DRC8: variants seen among roughly 807,000 people sequenced by gnomAD.
DRC8 encodes dynein regulatory complex subunit 8.
chr1:245,042,575 G>A, the DRC8 span, among the ~76,000 whole-genome samples: 780 of 152,328 alleles, frequency 5.1e-3, 4 homozygotes, highest in African/African-American at 0.017. Flanking sequence ...TTCTGTAAAC[G>A]ATACCAGCAC....
At chr1:244,973,008 CTA>C in the DRC8 span, among the ~76,000 whole-genome samples, 1 of 152,016 alleles carries the variant, frequency 6.6e-6, no homozygotes, top group South Asian at 2.1e-4. Context: ...TGGAAATAGT[CTA>C]TTACTATATT....
chr1:245,011,712 G>A, the DRC8 span, among the ~76,000 whole-genome samples: 2 of 152,200 alleles, frequency 1.3e-5, no homozygotes, highest in Non-Finnish European at 2.9e-5. Context: ...ATTCCTGATA[G>A]ATGATAATTT....
the DRC8 span, among the ~76,000 whole-genome samples, chr1:245,008,895 T>C: frequency 1.3e-5 from 2 of 151,816 alleles, no homozygotes; most frequent in African/African-American, 4.8e-5. Flanking sequence ...GCTATGTTGC[T>C]TAGGCTGGCC....
chr1:245,053,559 A>C, the DRC8 span, among the ~76,000 whole-genome samples: 1 of 152,244 alleles, frequency 6.6e-6, no homozygotes, highest in Non-Finnish European at 1.5e-5. Flanking sequence ...CTAGTGGAGC[A>C]GTTTGTAGGT....
the DRC8 span, among the ~76,000 whole-genome samples, chr1:245,084,067 C>A: frequency 5.9e-5 from 7 of 118,200 alleles, 1 homozygote; most frequent in African/African-American, 1.3e-4. Context: ...ATTCCGCCCC[C>A]CCCCCGGCGC....
At chr1:244,973,479 G>C in the DRC8 span, among the ~76,000 whole-genome samples, 4 of 152,182 alleles carry the variant, frequency 2.6e-5, no homozygotes, top group Admixed American at 1.3e-4. Flanking sequence ...ATTAATCAAA[G>C]ACAGCTTATG....
the DRC8 span, among the ~76,000 whole-genome samples, chr1:245,071,058 C>A: frequency 6.6e-6 from 1 of 152,226 alleles, no homozygotes; most frequent in Admixed American, 6.5e-5. Flanking sequence ...ACTTCCCAAC[C>A]TCCATAACTG....
At chr1:245,037,329 G>C in the DRC8 span, among the ~76,000 whole-genome samples, 1 of 152,206 alleles carries the variant, frequency 6.6e-6, no homozygotes, top group African/African-American at 2.4e-5. Context: ...AAATAGTTCT[G>C]TGTTGGGAAG....
At chr1:245,067,684 T>C in the DRC8 span, among the ~76,000 whole-genome samples, 2 of 152,314 alleles carry the variant, frequency 1.3e-5, no homozygotes, top group Admixed American at 1.3e-4. Flanking sequence ...ATCCACGTAA[T>C]CTACACCCTG....
At chr1:244,973,060 G>T in the DRC8 span, among the ~76,000 whole-genome samples, 1 of 152,060 alleles carries the variant, frequency 6.6e-6, no homozygotes, top group South Asian at 2.1e-4. Flanking sequence ...CAGAAATTAC[G>T]TCTAACCAAT....
At chr1:245,002,235 A>T in the DRC8 span, 1 of 1,601,964 alleles carries the variant, frequency 6.2e-7, no homozygotes, top group Non-Finnish European at 8.5e-7. Context: ...AACACAGGGT[A>T]CAGTGCATTC....
the DRC8 span, among the ~76,000 whole-genome samples, chr1:245,043,239 C>T: frequency 9.9e-5 from 15 of 152,178 alleles, no homozygotes; most frequent in African/African-American, 3.6e-4. Flanking sequence ...TGAGATCAGC[C>T]TGGCCAGCAT....
chr1:245,094,129 A>G, the DRC8 span, among the ~76,000 whole-genome samples: 1 of 152,140 alleles, frequency 6.6e-6, no homozygotes, highest in African/African-American at 2.4e-5. Context: ...ACTGTTAATG[A>G]GAATAGAGGT....
chr1:244,970,246 G>C, the DRC8 span: 2 of 700,888 alleles, frequency 2.9e-6, no homozygotes, highest in East Asian at 6.1e-5. Context: ...AACGGGGACA[G>C]GGCGCGCGCT....
At chr1:244,992,030 A>G in the DRC8 span, among the ~76,000 whole-genome samples, 1 of 152,244 alleles carries the variant, frequency 6.6e-6, no homozygotes, top group African/African-American at 2.4e-5. Flanking sequence ...TGGAAACTGC[A>G]ATAAGCTTTC....
At chr1:244,997,525 C>CTTTTTTTTTTTTTTTTTTTTTTTTTT in the DRC8 span, among the ~76,000 whole-genome samples, 1 of 126,738 alleles carries the variant, frequency 7.9e-6, no homozygotes, top group Non-Finnish European at 1.7e-5. Flanking sequence ...TTCGTGCCAT[C>CTTTTTTTTTTTTTTTTTTTTTTTTTT]TTTTTTTTTT....
chr1:245,119,769 T>C, the DRC8 span, among the ~76,000 whole-genome samples: 1 of 151,360 alleles, frequency 6.6e-6, no homozygotes, highest in African/African-American at 2.4e-5. Flanking sequence ...CCGTCTCTAC[T>C]AAAAATAGAA....
the DRC8 span, among the ~76,000 whole-genome samples, chr1:245,039,052 T>C: frequency 1.4e-5 from 2 of 146,498 alleles, no homozygotes; most frequent in Non-Finnish European, 3.0e-5. Flanking sequence ...AGGAATCTAG[T>C]ATGCCATTAT....
chr1:245,059,486 G>T, the DRC8 span: 1 of 1,590,800 alleles, frequency 6.3e-7, no homozygotes, highest in Non-Finnish European at 8.6e-7. Flanking sequence ...GTTTCATTCA[G>T]CCAGCTCTCT....
Sources: allele counts gnomAD v4.1 joint callset (sites outside exome capture counted in the v4.1 genomes callset), GRCh38; gene constraint gnomAD v4.1.1; transcripts MANE v1.5; gene names NCBI Gene and HGNC (gene_info 2026-07-23, HGNC 2026-07-21).